Variants in XKRX observed in about 807,000 individuals in gnomAD.
XKRX encodes XK related X-linked, also known as XK-related protein 2.
Under a neutral mutation model 22.4 loss-of-function variants are expected in XKRX, and 11 were observed. The observed-to-expected ratio is 0.49, with a 90% CI of 0.31 to 0.81. XKRX has a LOEUF of 0.81. XKRX is among the 40% of genes least tolerant of loss of function. The probability of loss-of-function intolerance (pLI) is 0.05; values close to 1 mark genes in which losing one functional copy is unlikely to be tolerated. For synonymous variants in XKRX, 114 were observed against 132.2 expected (o/e 0.86, Z 0.94); for missense variants, 320 against 336.5 (o/e 0.95, Z 0.38).
At chrX:100,891,615 G>C in the XKRX span, among the ~76,000 whole-genome samples, 1 of 109,714 alleles carries the variant, frequency 9.1e-6, no homozygotes, top group South Asian at 3.9e-4. Flanking sequence ...TTGGGGGCCA[G>C]GCATGGTGCT....
the XKRX span, among the ~76,000 whole-genome samples, chrX:100,904,718 G>A: frequency 9.0e-6 from 1 of 111,704 alleles, no homozygotes; most frequent in African/African-American, 3.2e-5. Context: ...GATACCTGGG[G>A]GTTGAGGCTG....
chrX:100,949,460 G>A, the XKRX span, among the ~76,000 whole-genome samples: 726 of 105,627 alleles, frequency 6.9e-3, 7 homozygotes, highest in Non-Finnish European at 0.011. Flanking sequence ...CTGCCTTCCT[G>A]GTTCAAGTGA....
At chrX:100,904,942 T>C in the XKRX span, among the ~76,000 whole-genome samples, 3 of 111,696 alleles carry the variant, frequency 2.7e-5, no homozygotes, top group East Asian at 2.8e-4. Context: ...TTTGGATAAA[T>C]ATTGGAAACA....
chrX:100,930,992 C>T (rs771873611), upstream of XKRX, among the ~76,000 whole-genome samples: 1 of 109,368 alleles, frequency 9.1e-6, no homozygotes, highest in East Asian at 2.9e-4. Context: ...ATTAGCTGGG[C>T]GTGGTGGTGG....
the XKRX span, among the ~76,000 whole-genome samples, chrX:100,935,581 A>T: frequency 3.6e-5 from 4 of 111,812 alleles, no homozygotes; most frequent in African/African-American, 1.3e-4. Flanking sequence ...GGAAGACAGA[A>T]CTATTCCAAT....
At chrX:100,911,562 G>C, downstream of XKRX, 1 of 540,027 alleles carries the variant, frequency 1.9e-6, no homozygotes, top group Non-Finnish European at 3.4e-6. Flanking sequence ...TGATGTTTCT[G>C]AATACCACCA....
chrX:100,917,653 G>GAA (rs1556193484), intron 2 of XKRX, among the ~76,000 whole-genome samples: 2 of 44,496 alleles, frequency 4.5e-5, no homozygotes, highest in African/African-American at 2.3e-4. Context: ...AAGAAAGAAA[G>GAA]AAAGAAAGAA....
the XKRX span, among the ~76,000 whole-genome samples, chrX:100,908,107 G>GTGTGTA: frequency 5.1e-3 from 2 of 393 alleles, no homozygotes; most frequent in African/African-American, 0.022. Context: ...CATGCATGGA[G>GTGTGTA]TGTGTGTGTG....
chrX:100,917,718 G>GAAATAAAT (rs1162920442), intron 2 of XKRX, among the ~76,000 whole-genome samples: 80 of 85,767 alleles, frequency 9.3e-4, no homozygotes, highest in Admixed American at 1.5e-3. Context: ...AAGAAAGAAA[G>GAAATAAAT]AAAGAAATCC....
chrX:100,951,801 T>C, the XKRX span, among the ~76,000 whole-genome samples: 2 of 111,853 alleles, frequency 1.8e-5, no homozygotes, highest in East Asian at 5.6e-4. Flanking sequence ...TTAGATTAAA[T>C]AGACCAATTT....
intron 1 of XKRX, among the ~76,000 whole-genome samples, 163 bp downstream of exon 1, chrX:100,927,807 A>T (rs1275420799): frequency 9.0e-6 from 1 of 111,664 alleles, no homozygotes; most frequent in Non-Finnish European, 1.9e-5. Flanking sequence ...GGCATTTAAG[A>T]TTTCAGGTAA....
chrX:100,952,984 C>T, the XKRX span, among the ~76,000 whole-genome samples: 1 of 112,545 alleles, frequency 8.9e-6, no homozygotes, highest in Non-Finnish European at 1.9e-5. Context: ...TCTTACTTCA[C>T]ACCACATACA....
upstream of XKRX, chrX:100,929,470 C>T (rs1011517989): frequency 9.0e-6 from 1 of 111,429 alleles, no homozygotes; most frequent in Non-Finnish European, 1.9e-5. Flanking sequence ...CACTTCTACC[C>T]CGCCCTCCCT....
At chrX:100,940,887 TC>T in the XKRX span, among the ~76,000 whole-genome samples, 1 of 111,796 alleles carries the variant, frequency 8.9e-6, no homozygotes, top group East Asian at 2.8e-4. Context: ...ATAGTCATTG[TC>T]CTCAAACTTC....
intron 2 of XKRX, among the ~76,000 whole-genome samples, chrX:100,919,566 T>C (rs772829838): frequency 1.8e-5 from 2 of 111,456 alleles, no homozygotes; most frequent in South Asian, 3.7e-4. Flanking sequence ...AAAATTAATA[T>C]GAAAAAGACA....
chrX:100,931,378 ACTC>A (rs1213969042), upstream of XKRX, among the ~76,000 whole-genome samples: 3 of 108,381 alleles, frequency 2.8e-5, no homozygotes, highest in Non-Finnish European at 3.8e-5. Context: ...TGCCCACACT[ACTC>A]CTTCCACAAG....
intron 2 of XKRX, among the ~76,000 whole-genome samples, chrX:100,922,013 T>G (rs2085475492): frequency 9.2e-6 from 1 of 108,584 alleles, no homozygotes. Flanking sequence ...TTTTGTATTT[T>G]TAGTACAGAC....
At chrX:100,936,993 C>CTTTT in the XKRX span, among the ~76,000 whole-genome samples, 1 of 95,538 alleles carries the variant, frequency 1.0e-5, no homozygotes, top group Non-Finnish European at 2.1e-5. Flanking sequence ...CTAACACAGC[C>CTTTT]TTTTTTTTTT....
chrX:100,940,583 T>A, the XKRX span, among the ~76,000 whole-genome samples: 2 of 111,674 alleles, frequency 1.8e-5, no homozygotes, highest in African/African-American at 6.5e-5. Flanking sequence ...TATTATCACA[T>A]CACTCCCTTC....
Sources: allele counts gnomAD v4.1 joint callset (sites outside exome capture counted in the v4.1 genomes callset), GRCh38; gene constraint gnomAD v4.1.1; transcripts MANE v1.5; gene names NCBI Gene and HGNC (gene_info 2026-07-23, HGNC 2026-07-21).